Variants in ATP13A5 observed in about 807,000 individuals in gnomAD.
ATP13A5 encodes probable cation-transporting ATPase 13A5.
ATP13A5 carries 149 observed loss-of-function variants against 150.2 expected under a neutral mutation model. That is an observed-to-expected ratio of 0.99 (90% CI 0.87 to 1.14). ATP13A5 has a LOEUF of 1.14. Ranked by LOEUF, ATP13A5 falls within the 50% of genes most tolerant of loss-of-function variation. The pLI is 0.00. For synonymous variants in ATP13A5, 497 were observed against 522.2 expected, an observed-to-expected ratio of 0.95 and a Z score of 0.66; for missense variants, 1,383 against 1,449.3, an observed-to-expected ratio of 0.95 and a Z score of 0.74.
At chr3:193,361,344 A>G (rs1444255220) in intron 5 of ATP13A5, among the ~76,000 whole-genome samples, 1 of 152,194 alleles carries the variant, frequency 6.6e-6, no homozygotes, top group Non-Finnish European at 1.5e-5. Flanking sequence ...AAAAACTTAT[A>G]AACAACAGAT....
rs374609371 is a variant in ATP13A5 at position 193,354,135 on chromosome 3, C to G, written c.598G>C (p.Val200Leu). 30 of 1,606,272 alleles carry G rather than the reference C, an allele frequency of 1.9e-5. No individual in the cohort carries two copies. The African/African-American group carries it at 3.1e-4, about 17-fold the overall frequency. ...VEIQPIWKLL[V>L]KQVLNPFYVF... is the part of the protein sequence containing the mutation. ...GAAAAGAAAACAGTTACCTGTTTAACAAGCAGCTTCCATATGGGTTGGATT... is the reference window on the plus strand; with the variant it reads ...GAAAAGAAAACAGTTACCTGTTTAAGAAGCAGCTTCCATATGGGTTGGATT... Residue 200 changes from valine to leucine, a missense_variant, in exon 6 of 30, where the codon GTT becomes CTT. Val to Leu is a conservative substitution (Grantham distance 32). Coordinates refer to ENST00000342358, the MANE Select transcript of ATP13A5 (RefSeq NM_198505.4).
rs116006504 is a variant in ATP13A5, at chr3:193,295,800, T to A, written c.2848+3331A>T. ...GCATGTCTGTTCCTGCCTCATTCGC[T>A]GCATGCTGTCTGTACAAGATAAAAC... On this transcript the variant is annotated intron_variant, in intron 25 of 29. Transcript: ENST00000342358. Among the ~76,000 whole-genome samples the A allele has an allele frequency of 4.4e-3, 677 of 152,294 alleles. 3 individuals carry two copies. Among genetic ancestry groups the A allele is most frequent in the Non-Finnish European group, 8.1e-3 (548 of 68,008 alleles).
intron 25 of ATP13A5, among the ~76,000 whole-genome samples, chr3:193,295,993 T>C (rs1718155045): frequency 6.6e-6 from 1 of 152,106 alleles, no homozygotes. Context: ...CTCCCCTTCA[T>C]GGTAATAGCA....
At chr3:193,336,328 G>C (rs945607642) in intron 9 of ATP13A5, among the ~76,000 whole-genome samples, 1 of 152,086 alleles carries the variant, frequency 6.6e-6, no homozygotes. Context: ...ATGCTGGTGT[G>C]CTGCACCCAT....
At chr3:193,333,139 T>A (rs60335002) in intron 11 of ATP13A5, among the ~76,000 whole-genome samples, 1,520 of 148,878 alleles carry the variant, frequency 0.01, 24 homozygotes, top group African/African-American at 0.036. Context: ...TCTCTCTCTC[T>A]CACACACACA....
intron 20 of ATP13A5, 114 bp from the exon 21 acceptor site, chr3:193,310,831 G>A (rs1373958738): frequency 1.5e-6 from 1 of 682,586 alleles, no homozygotes; most frequent in Admixed American, 3.0e-5. Context: ...GCATTGGATG[G>A]TATGTCATTA....
rs575361247 is a variant in ATP13A5 at position 193,314,532 on chromosome 3, C to T, written c.2159-339G>A. Among the ~76,000 whole-genome samples, 93 of 152,254 alleles carry T rather than the reference C, an allele frequency of 6.1e-4. 1 individual carries two copies. Among genetic ancestry groups the T allele is most frequent in the Admixed American group, 1.6e-3 (24 of 15,296 alleles). On this transcript the variant is annotated intron_variant, in intron 18 of 29. Coordinates refer to ENST00000342358, the MANE Select transcript of ATP13A5 (RefSeq NM_198505.4). ...TCAGCCTGATAGCTTAAACCATCCA[C>T]GGGATCTGGAAACTAACTAAGCAAA...
chr3:193,334,040 A>G, intron 10 of ATP13A5, 133 bp from the exon 11 acceptor site: 3 of 811,962 alleles, frequency 3.7e-6, no homozygotes, highest in Non-Finnish European at 5.5e-6. Context: ...ATAAGTTTTC[A>G]GGTGGTTTTC....
chr3:193,349,820 G>A (rs1177571904), intron 7 of ATP13A5, among the ~76,000 whole-genome samples: 1 of 152,042 alleles, frequency 6.6e-6, no homozygotes, highest in East Asian at 1.9e-4. Flanking sequence ...TCTTTCATTT[G>A]TGGAAAATAA....
intron 22 of ATP13A5, among the ~76,000 whole-genome samples, 167 bp from the exon 23 acceptor site, chr3:193,305,835 A>C (rs1291545127): frequency 6.6e-6 from 1 of 152,018 alleles, no homozygotes; most frequent in Admixed American, 6.6e-5. Context: ...CTCTCCCCTG[A>C]TCCACAAAGT....
chr3:193,362,746 T>G, intron 3 of ATP13A5, 109 bp from the exon 4 acceptor site: 2 of 895,398 alleles, frequency 2.2e-6, no homozygotes, highest in Non-Finnish European at 3.7e-6. Flanking sequence ...TCTCACTTGC[T>G]TTCCTTCTTT....
intron 16 of ATP13A5, among the ~76,000 whole-genome samples, chr3:193,320,806 A>G (rs1022457676): frequency 6.6e-6 from 1 of 152,222 alleles, no homozygotes; most frequent in Admixed American, 6.5e-5. Context: ...ACATTCTTAT[A>G]CATCTGGCTG....
chr3:193,277,898 T>C (rs528387303), intron 28 of ATP13A5, among the ~76,000 whole-genome samples: 2 of 152,268 alleles, frequency 1.3e-5, no homozygotes, highest in African/African-American at 4.8e-5. Flanking sequence ...CAATTTCAGC[T>C]CACTGCAACA....
intron 21 of ATP13A5, among the ~76,000 whole-genome samples, chr3:193,309,428 C>T (rs1007263926): frequency 3.9e-5 from 6 of 152,126 alleles, no homozygotes; most frequent in Non-Finnish European, 7.3e-5. Context: ...AAGATATATG[C>T]CTTATGGCCC....
intron 25 of ATP13A5, among the ~76,000 whole-genome samples, chr3:193,298,918 G>A (rs1718280699): frequency 6.6e-6 from 1 of 152,086 alleles, no homozygotes; most frequent in Non-Finnish European, 1.5e-5. Context: ...ACAGTTTTTT[G>A]TGACTAAGAC....
At chr3:193,351,337 A>AT (rs1255203879) in intron 6 of ATP13A5, 136 bp from the exon 7 acceptor site, 5 of 1,043,880 alleles carry the variant, frequency 4.8e-6, no homozygotes, top group Non-Finnish European at 4.2e-6. Flanking sequence ...ATTCACTTAG[A>AT]TCTCTATTGA....
chr3:193,310,961 C>T (rs970007049), intron 20 of ATP13A5, among the ~76,000 whole-genome samples: 1 of 152,116 alleles, frequency 6.6e-6, no homozygotes, highest in African/African-American at 2.4e-5. Flanking sequence ...ATGGGGTGAC[C>T]ACTAATCAAT....
At chr3:193,348,181 A>G (rs936545817) in intron 7 of ATP13A5, among the ~76,000 whole-genome samples, 6 of 152,198 alleles carry the variant, frequency 3.9e-5, no homozygotes, top group Non-Finnish European at 7.4e-5. Flanking sequence ...AGTGCTTGCC[A>G]TGACTGCAAA....
chr3:193,301,278 A>G lies in ATP13A5; in HGVS notation c.2708T>C (p.Phe903Ser). ...CATGGTCAAGTATTTAAATACTCCA[A>G]AGGATGAAACCAGAGCAGCTCGGCC... is the stretch of plus-strand genomic sequence containing the variant. ...REGRAALVSSFGVFKYLTMYG... is the reference protein window; with the variant it reads ...REGRAALVSSSGVFKYLTMYG... The change falls in exon 24 of 30, where the codon TTT becomes TCT. Residue 903 changes from phenylalanine to serine, a missense_variant. Phe to Ser is a radical substitution (Grantham distance 155). Transcript: ENST00000342358. 1 of 1,613,476 alleles carries G rather than the reference A, an allele frequency of 6.2e-7. No homozygotes were observed. Among genetic ancestry groups the G allele is most frequent in the Non-Finnish European group, 8.5e-7 (1 of 1,179,598 alleles).
Sources: gnomAD v4.1 joint callset for allele counts (sites outside exome capture counted in the v4.1 genomes callset) on GRCh38, gnomAD v4.1.1 for gene constraint, MANE v1.5 for transcripts, NCBI Gene and HGNC (gene_info 2026-07-23, HGNC 2026-07-21) for gene names.